Variants in NKAIN3 observed in about 807,000 individuals in gnomAD.
NKAIN3 encodes sodium/potassium-transporting ATPase subunit beta-1-interacting protein 3.
A neutral mutation model predicts 30.2 loss-of-function variants in NKAIN3; 25 were observed. That is an observed-to-expected ratio of 0.83 (90% confidence interval 0.60 to 1.16). NKAIN3 has a LOEUF of 1.16. Among genes scored for constraint, NKAIN3 ranks in the 50% most tolerant of loss-of-function variants. NKAIN3 has a pLI of 0.00. For missense variants in NKAIN3, 225 were observed against 254.1 expected (o/e 0.89, Z 0.78); for synonymous variants, 91 against 89.6 (o/e 1.02, Z -0.09).
chr8:62,949,134 G>A (rs1231143623), intron 5 of NKAIN3, among the ~76,000 whole-genome samples: 3 of 152,156 alleles, frequency 2.0e-5, no homozygotes, highest in Non-Finnish European at 4.4e-5. Flanking sequence ...TTTCTCATAG[G>A]AAGCTGCCAG....
At chr8:62,666,844 C>T (rs900405658) in intron 3 of NKAIN3, among the ~76,000 whole-genome samples, 1 of 152,000 alleles carries the variant, frequency 6.6e-6, no homozygotes, top group African/African-American at 2.4e-5. Context: ...TTCATCAAAC[C>T]CACTTCAAGT....
At chr8:62,854,423 T>C (rs1820001689) in intron 4 of NKAIN3, among the ~76,000 whole-genome samples, 1 of 152,254 alleles carries the variant, frequency 6.6e-6, no homozygotes, top group Admixed American at 6.5e-5. Flanking sequence ...TTGGCACTTA[T>C]TGAATTGAAA....
intron 4 of NKAIN3, among the ~76,000 whole-genome samples, chr8:62,828,034 G>A (rs4636200): frequency 0.082 from 12,465 of 151,586 alleles, 564 homozygotes; most frequent in South Asian, 0.14. Flanking sequence ...ATCAGGTGAA[G>A]AGAAAAGCCA....
At chr8:62,750,310 A>C (rs1272428380) in intron 4 of NKAIN3, among the ~76,000 whole-genome samples, 2 of 152,044 alleles carry the variant, frequency 1.3e-5, no homozygotes, top group Admixed American at 1.3e-4. Context: ...GAGTGCTTTG[A>C]CCACCGACAC....
At chr8:62,867,789 C>T (rs780109454) in intron 4 of NKAIN3, among the ~76,000 whole-genome samples, 3 of 152,216 alleles carry the variant, frequency 2.0e-5, no homozygotes, top group Non-Finnish European at 4.4e-5. Flanking sequence ...TTCATAACTA[C>T]CCTTCACTGG....
At chr8:62,374,055 C>T (rs1373534531) in intron 1 of NKAIN3, among the ~76,000 whole-genome samples, 7 of 133,118 alleles carry the variant, frequency 5.3e-5, no homozygotes, top group Non-Finnish European at 1.5e-5. Flanking sequence ...AGAGGTTGCA[C>T]TGAGCCAAGA....
chr8:62,699,388 G>A (rs560646235), intron 3 of NKAIN3, among the ~76,000 whole-genome samples: 2 of 152,250 alleles, frequency 1.3e-5, no homozygotes, highest in African/African-American at 2.4e-5. Flanking sequence ...AATTAAAAAC[G>A]TCTTTAAATG....
intron 1 of NKAIN3, among the ~76,000 whole-genome samples, chr8:62,415,892 G>C (rs1418374713): frequency 1.3e-5 from 2 of 151,856 alleles, no homozygotes; most frequent in African/African-American, 4.8e-5. Context: ...CGAGTAGCTG[G>C]GACTACAGGT....
chr8:62,734,590 G>T (rs1303843359), intron 3 of NKAIN3, among the ~76,000 whole-genome samples: 1 of 152,068 alleles, frequency 6.6e-6, no homozygotes, highest in Non-Finnish European at 1.5e-5. Context: ...TCTTCTCAGG[G>T]AATTTTACCT....
chr8:62,525,727 T>G (rs1229259877), intron 1 of NKAIN3, among the ~76,000 whole-genome samples: 3 of 152,132 alleles, frequency 2.0e-5, no homozygotes, highest in Non-Finnish European at 4.4e-5. Context: ...CAATGGTAAC[T>G]GAAAAACAAC....
intron 1 of NKAIN3, among the ~76,000 whole-genome samples, chr8:62,387,026 C>G (rs1817450569): frequency 6.6e-6 from 1 of 151,936 alleles, no homozygotes; most frequent in African/African-American, 2.4e-5. Context: ...GTCATAGTGA[C>G]TATACTATAG....
chr8:62,794,579 G>T (rs1466978468), intron 4 of NKAIN3, among the ~76,000 whole-genome samples: 1 of 152,072 alleles, frequency 6.6e-6, no homozygotes, highest in Non-Finnish European at 1.5e-5. Context: ...GAAAAGTAAG[G>T]GTAGCGAGCA....
chr8:62,819,491 C>T (rs182731992), intron 4 of NKAIN3, among the ~76,000 whole-genome samples: 15 of 152,088 alleles, frequency 9.9e-5, no homozygotes, highest in African/African-American at 7.2e-5. Context: ...GATTATTTAG[C>T]GCCTAATCTT....
intron 3 of NKAIN3, among the ~76,000 whole-genome samples, chr8:62,623,998 G>C (rs1381012198): frequency 6.6e-6 from 1 of 152,056 alleles, no homozygotes; most frequent in Non-Finnish European, 1.5e-5. Flanking sequence ...AGAACTGAAG[G>C]TTCCTCCCCT....
At chr8:62,806,350 C>A (rs1197689557) in intron 4 of NKAIN3, among the ~76,000 whole-genome samples, 3 of 152,188 alleles carry the variant, frequency 2.0e-5, no homozygotes, top group Non-Finnish European at 4.4e-5. Context: ...AAGACACATG[C>A]ATACGTATGT....
chr8:62,720,192 A>G (rs888151777), intron 3 of NKAIN3, among the ~76,000 whole-genome samples: 1 of 152,214 alleles, frequency 6.6e-6, no homozygotes, highest in Non-Finnish European at 1.5e-5. Flanking sequence ...CCCAAGTTAG[A>G]ACATTTTTTA....
chr8:62,923,114 C>T (rs770032642), intron 5 of NKAIN3, among the ~76,000 whole-genome samples: 3 of 152,002 alleles, frequency 2.0e-5, no homozygotes, highest in East Asian at 1.9e-4. Flanking sequence ...CTGGGCAACA[C>T]GGTGAGACCT....
chr8:62,362,206 T>A (rs1342528352), intron 1 of NKAIN3, among the ~76,000 whole-genome samples: 1 of 152,212 alleles, frequency 6.6e-6, no homozygotes, highest in Non-Finnish European at 1.5e-5. Context: ...TAAGAATTAT[T>A]CTCAAGTAAC....
At position 62,492,897 on chromosome 8, in the gene NKAIN3, C is replaced by T. The variant is rs555526666; in HGVS notation, c.55-86642C>T. ...CCCACCAACAGTATGTAAGTGTTCC[C>T]TTTTCTCTGCAATTTGTTTGAGTTC... On this transcript the variant is annotated intron_variant, in intron 1 of 6. Coordinates refer to ENST00000623646, the MANE Select transcript of NKAIN3 (RefSeq NM_001304533.3). 4.6e-5 allele frequency among the ~76,000 whole-genome samples: 7 copies of T among 152,064 alleles called. No individual in the cohort carries two copies. The South Asian group carries it at 1.5e-3, about 32-fold the overall frequency.
Sources: allele counts gnomAD v4.1 joint callset (sites outside exome capture counted in the v4.1 genomes callset), GRCh38; gene constraint gnomAD v4.1.1; transcripts MANE v1.5; gene names NCBI Gene and HGNC (gene_info 2026-07-23, HGNC 2026-07-21).